DOCK2: variants seen among roughly 807,000 people sequenced by gnomAD.
The protein encoded by DOCK2 is dedicator of cytokinesis protein 2.
In DOCK2, 87 loss-of-function variants were observed where a neutral mutation model predicts 248.9. That is an observed-to-expected ratio of 0.35 (90% CI 0.29 to 0.42). The LOEUF (loss-of-function observed/expected upper bound fraction) is 0.42. DOCK2 is among the 10% of genes least tolerant of loss of function. The pLI, the probability that DOCK2 is intolerant of heterozygous loss-of-function variation, is 1.00. For synonymous variants in DOCK2, 805 were observed against 821.6 expected, an observed-to-expected ratio of 0.98 and a Z score of 0.35; for missense variants, 1,747 against 2,300.2, an observed-to-expected ratio of 0.76 and a Z score of 4.92.
chr5:169,932,488 A>G (rs1428911739), intron 27 of DOCK2, among the ~76,000 whole-genome samples: 1 of 152,192 alleles, frequency 6.6e-6, no homozygotes, highest in Non-Finnish European at 1.5e-5. Context: ...TTGATGGAAC[A>G]TGCTTCTGGG....
At chr5:169,653,347 G>C (rs1163424660) in intron 1 of DOCK2, among the ~76,000 whole-genome samples, 2 of 152,192 alleles carry the variant, frequency 1.3e-5, no homozygotes, top group Non-Finnish European at 2.9e-5. Context: ...GGGTGGGTAA[G>C]AGTGGCACAA....
intron 27 of DOCK2, among the ~76,000 whole-genome samples, chr5:169,923,290 T>C (rs747248741): frequency 2.0e-5 from 3 of 152,260 alleles, no homozygotes; most frequent in Non-Finnish European, 2.9e-5. Context: ...GAATGGTTTT[T>C]ACTTTTTTCT....
chr5:169,853,675 A>G (rs1425666226), intron 27 of DOCK2, among the ~76,000 whole-genome samples: 1 of 152,128 alleles, frequency 6.6e-6, no homozygotes, highest in Non-Finnish European at 1.5e-5. Flanking sequence ...TCGATCTCCC[A>G]GAGCTCAGAA....
chr5:170,005,629 G>A (rs1485253303), intron 30 of DOCK2, among the ~76,000 whole-genome samples: 1 of 152,112 alleles, frequency 6.6e-6, no homozygotes, highest in African/African-American at 2.4e-5. Context: ...TTGGCGTGAT[G>A]AAAATGTTCC....
intron 27 of DOCK2, among the ~76,000 whole-genome samples, chr5:169,973,069 C>T (rs542481065): frequency 6.6e-6 from 1 of 152,288 alleles, no homozygotes; most frequent in South Asian, 2.1e-4. Context: ...CTTCACTCCT[C>T]TTCACTCCTC....
chr5:169,857,906 T>A (rs1770984984), intron 27 of DOCK2, among the ~76,000 whole-genome samples: 1 of 152,204 alleles, frequency 6.6e-6, no homozygotes, highest in South Asian at 2.1e-4. Context: ...ATACGTTGGT[T>A]TTATATTTGA....
At chr5:169,919,411 C>T (rs1002946608) in intron 27 of DOCK2, among the ~76,000 whole-genome samples, 3 of 152,186 alleles carry the variant, frequency 2.0e-5, no homozygotes, top group Admixed American at 6.5e-5. Flanking sequence ...TCACACTCAT[C>T]AAATTTTACT....
chr5:169,864,373 G>A (rs1162916883), intron 27 of DOCK2: 4 of 1,551,062 alleles, frequency 2.6e-6, no homozygotes, highest in Non-Finnish European at 3.5e-6. Context: ...TGGTGGGGGC[G>A]ATGCCTCCTC....
chr5:169,954,507 G>C (rs1377656729), intron 27 of DOCK2, among the ~76,000 whole-genome samples: 1 of 152,196 alleles, frequency 6.6e-6, no homozygotes, highest in African/African-American at 2.4e-5. Context: ...AAGACCTCTT[G>C]GCCACCCCCC....
intron 35 of DOCK2, among the ~76,000 whole-genome samples, chr5:170,035,706 G>A (rs1356346360): frequency 3.9e-5 from 6 of 152,158 alleles, no homozygotes; most frequent in Admixed American, 6.5e-5. Context: ...AAGGAGGAGG[G>A]TGGGGATGGA....
At chr5:169,887,936 A>G (rs1773065581) in intron 27 of DOCK2, among the ~76,000 whole-genome samples, 1 of 152,236 alleles carries the variant, frequency 6.6e-6, no homozygotes, top group Non-Finnish European at 1.5e-5. Context: ...TTGCCAATAA[A>G]GTAGAAAAGA....
chr5:169,744,863 T>TGGAGGAGCAGGTGGTTCCCA (rs1763516695), intron 22 of DOCK2, among the ~76,000 whole-genome samples: 2 of 152,194 alleles, frequency 1.3e-5, no homozygotes, highest in African/African-American at 4.8e-5. Context: ...CCAGCCTTGT[T>TGGAGGAGCAGGTGGTTCCCA]GGAGGAGCAG....
At chr5:169,860,099 G>A (rs1581302932) in intron 27 of DOCK2, among the ~76,000 whole-genome samples, 1 of 151,602 alleles carries the variant, frequency 6.6e-6, no homozygotes, top group Non-Finnish European at 1.5e-5. Flanking sequence ...CTGATTAGTG[G>A]GGACCAGAGG....
At chr5:170,007,528 A>G (rs1755082772) in intron 30 of DOCK2, among the ~76,000 whole-genome samples, 1 of 152,198 alleles carries the variant, frequency 6.6e-6, no homozygotes, top group Non-Finnish European at 1.5e-5. Context: ...TGCAGTGGGT[A>G]CCAGAGTCAC....
chr5:169,941,510 GTGTC>G (rs1319493382), intron 27 of DOCK2, among the ~76,000 whole-genome samples: 12 of 152,214 alleles, frequency 7.9e-5, no homozygotes, highest in Non-Finnish European at 1.5e-4. Flanking sequence ...ACCAGGGCAA[GTGTC>G]TGTTGGAAGG....
At chr5:169,884,057 T>G in intron 27 of DOCK2, 4 of 557,858 alleles carry the variant, frequency 7.2e-6, no homozygotes, top group Non-Finnish European at 1.2e-5. Flanking sequence ...CTGTTGGCCA[T>G]TCCCAGCCTC....
chr5:169,903,226 A>G (rs1369399694), intron 27 of DOCK2, among the ~76,000 whole-genome samples: 12 of 150,852 alleles, frequency 8.0e-5, no homozygotes. Flanking sequence ...ACAGTGAGCT[A>G]TGATCGCACC....
At position 170,019,116 on chromosome 5, in the gene DOCK2, A is replaced by C; in HGVS notation, c.3381+8A>C. 6.2e-7 allele frequency: 1 copy of C among 1,613,992 alleles called. No homozygotes were observed. Among genetic ancestry groups the C allele is most frequent in the South Asian group, 1.1e-5 (1 of 91,084 alleles). On this transcript the variant is annotated splice_region_variant and intron_variant, in intron 33 of 51. Coordinates refer to ENST00000520908, the MANE Select transcript of DOCK2 (RefSeq NM_004946.3). ...AGTGGGGATTTCAAAAAGGTAAAAAATGAGGCCGGAAACTCATGCCAGCAT... is the reference window on the plus strand; with the variant it reads ...AGTGGGGATTTCAAAAAGGTAAAAACTGAGGCCGGAAACTCATGCCAGCAT...
Position 169,761,255 on chromosome 5 carries a change from G to A in DOCK2, c.2448-264G>A, listed in dbSNP as rs191317628. On this transcript the variant is annotated intron_variant, in intron 24 of 51. Coordinates refer to ENST00000520908, the MANE Select transcript of DOCK2 (RefSeq NM_004946.3). ...ATGAAGTCTACATGGCATAATGAAT[G>A]CAAAATGCAAAGTGTGTGCTTGGTA... 1.0e-3 allele frequency: 360 copies of A among 348,686 alleles called. 1 individual carries two copies. The highest frequency in any genetic ancestry group is 6.8e-3 in the African/African-American group (330 of 48,178). The allele number at this position is 348,686 out of a possible 1,614,324, so 21.6% of individuals were successfully genotyped here. A position where few individuals can be genotyped will look rare whatever the true frequency, so the allele number is the denominator to read the frequency against.
Sources: allele counts gnomAD v4.1 joint callset (sites outside exome capture counted in the v4.1 genomes callset), GRCh38; gene constraint gnomAD v4.1.1; transcripts MANE v1.5; gene names NCBI Gene and HGNC (gene_info 2026-07-23, HGNC 2026-07-21).